Variants in XYLB observed in about 807,000 individuals in gnomAD.
XYLB encodes the protein xylulose kinase.
A neutral mutation model predicts 78.7 loss-of-function variants in XYLB; 62 were observed. The ratio of observed to expected loss-of-function variants is 0.79; its 90% CI spans 0.64 to 0.97. The LOEUF is 0.97. Among genes scored for constraint, XYLB ranks in the 50% least tolerant of loss-of-function variants. The pLI is 0.00. For missense variants in XYLB, 687 were observed against 676.8 expected (o/e 1.02, Z -0.17); for synonymous variants, 245 against 247.4 (o/e 0.99, Z 0.09).
chr3:38,377,062 A>G (rs997832631), intron 14 of XYLB, 71 bp downstream of exon 14: 1 of 1,341,614 alleles, frequency 7.5e-7, no homozygotes, highest in Non-Finnish European at 1.1e-6. Flanking sequence ...ATTGCCTATC[A>G]AATTATGTTA....
intron 15 of XYLB, among the ~76,000 whole-genome samples, chr3:38,381,657 T>A (rs576551439): frequency 1.5e-4 from 23 of 152,362 alleles, no homozygotes; most frequent in African/African-American, 5.5e-4. Flanking sequence ...GGGCGTAGCC[T>A]GTCTCTTATG....
chr3:38,367,779 G>C (rs368758327), intron 7 of XYLB, among the ~76,000 whole-genome samples: 3 of 152,168 alleles, frequency 2.0e-5, no homozygotes, highest in South Asian at 4.1e-4. Flanking sequence ...AGAGTGTCCT[G>C]GTTGGTTCTG....
At chr3:38,402,492 T>G (rs1054365985) in intron 18 of XYLB, among the ~76,000 whole-genome samples, 1 of 152,238 alleles carries the variant, frequency 6.6e-6, no homozygotes, top group Non-Finnish European at 1.5e-5. Context: ...GTAATTTTTC[T>G]GTTTGTGAGA....
intron 1 of XYLB, 78 bp downstream of exon 1, chr3:38,347,003 C>A: frequency 1.5e-6 from 2 of 1,299,638 alleles, no homozygotes; most frequent in Non-Finnish European, 2.0e-6. Flanking sequence ...GTCACCCGGA[C>A]GCGGGAAAAC....
chr3:38,399,854 A>C (rs899767078), intron 17 of XYLB, among the ~76,000 whole-genome samples: 14 of 152,122 alleles, frequency 9.2e-5, no homozygotes, highest in Non-Finnish European at 1.6e-4. Flanking sequence ...ATTTGGAGAT[A>C]TCTTCTCCCC....
chr3:38,404,733 C>G (rs765927273), intron 18 of XYLB, among the ~76,000 whole-genome samples: 2 of 151,998 alleles, frequency 1.3e-5, no homozygotes, highest in Non-Finnish European at 2.9e-5. Flanking sequence ...GGTTCAGGCA[C>G]GAGAATCACT....
At chr3:38,349,271 G>T (rs2125543505) in intron 2 of XYLB, among the ~76,000 whole-genome samples, 1 of 152,364 alleles carries the variant, frequency 6.6e-6, no homozygotes, top group Non-Finnish European at 1.5e-5. Flanking sequence ...AGCAGAGAGA[G>T]GCGGAGGCTG....
At position 38,413,029 on chromosome 3, in the gene XYLB, GC is replaced by G; in HGVS notation, c.*20del. On this transcript the variant is annotated 3_prime_UTR_variant, in exon 19 of 19. Transcript: ENST00000207870. ...TCCGGAGTGAACAGGCATCCCTGTT[GC>G]CCCTGCCTGCCCAGATTTACTGACC... 6.4e-7 allele frequency: 1 copy of G among 1,574,486 alleles called. No individual in the cohort carries two copies. Among genetic ancestry groups the G allele is most frequent in the Non-Finnish European group, 8.6e-7 (1 of 1,167,270 alleles).
intron 15 of XYLB, among the ~76,000 whole-genome samples, chr3:38,387,871 A>T (rs990889720): frequency 4.6e-5 from 7 of 152,008 alleles, no homozygotes; most frequent in African/African-American, 1.7e-4. Context: ...TCTTCCTCTG[A>T]CTTTATATCA....
At chr3:38,361,425 T>A (rs925912926) in intron 3 of XYLB, among the ~76,000 whole-genome samples, 4 of 151,372 alleles carry the variant, frequency 2.6e-5, no homozygotes, top group African/African-American at 9.8e-5. Context: ...TTGTTCAAAA[T>A]AACTGGTATG....
chr3:38,382,931 A>G (rs1048031599), intron 15 of XYLB, among the ~76,000 whole-genome samples: 4 of 152,340 alleles, frequency 2.6e-5, no homozygotes, highest in African/African-American at 9.6e-5. Flanking sequence ...CATACTTGGA[A>G]CCAACAGAGG....
At chr3:38,415,948 T>C (rs971728385), downstream of XYLB, among the ~76,000 whole-genome samples, 2 of 152,074 alleles carry the variant, frequency 1.3e-5, no homozygotes, top group South Asian at 2.1e-4. Context: ...AGAGAGAGCA[T>C]GGACGCACAA....
At chr3:38,359,327 C>G (rs1453139258) in intron 2 of XYLB, among the ~76,000 whole-genome samples, 5 of 152,210 alleles carry the variant, frequency 3.3e-5, no homozygotes, top group Non-Finnish European at 1.5e-5. Flanking sequence ...CCAGGTGTTC[C>G]TTGCCCTCAT....
At chr3:38,407,220 G>C (rs1194034043) in intron 18 of XYLB, among the ~76,000 whole-genome samples, 1 of 147,846 alleles carries the variant, frequency 6.8e-6, no homozygotes, top group African/African-American at 2.5e-5. Flanking sequence ...GAGAGTGGGG[G>C]CCAATATTCA....
chr3:38,362,697 T>C (rs751816574), intron 3 of XYLB, among the ~76,000 whole-genome samples: 2 of 152,178 alleles, frequency 1.3e-5, no homozygotes, highest in Non-Finnish European at 1.5e-5. Context: ...ATTTGAGGAT[T>C]GGTGGTTTAT....
the XYLB span, among the ~76,000 whole-genome samples, chr3:38,443,219 C>A: frequency 6.6e-6 from 1 of 152,152 alleles, no homozygotes; most frequent in African/African-American, 2.4e-5. Flanking sequence ...AAGTCAATTT[C>A]CTGTCCCTCA....
chr3:38,360,878 A>G (rs1287567731), intron 3 of XYLB, among the ~76,000 whole-genome samples: 1 of 152,136 alleles, frequency 6.6e-6, no homozygotes, highest in Non-Finnish European at 1.5e-5. Context: ...TACTAAAAAT[A>G]CAAAAAATTA....
At chr3:38,408,787 A>C (rs2125673243) in intron 18 of XYLB, among the ~76,000 whole-genome samples, 1 of 152,372 alleles carries the variant, frequency 6.6e-6, no homozygotes, top group Non-Finnish European at 1.5e-5. Context: ...AAAATCTAGA[A>C]GAAATGGATA....
intron 3 of XYLB, 25 bp downstream of exon 3, chr3:38,360,433 C>T (rs772747964): frequency 1.3e-6 from 2 of 1,546,986 alleles, no homozygotes; most frequent in East Asian, 2.3e-5. Context: ...TCCTATTCTC[C>T]TTCTATCCCC....
Sources: allele counts gnomAD v4.1 joint callset (sites outside exome capture counted in the v4.1 genomes callset), GRCh38; gene constraint gnomAD v4.1.1; transcripts MANE v1.5; gene names NCBI Gene and HGNC (gene_info 2026-07-23, HGNC 2026-07-21).